The following EPHA6 variants were observed in gnomAD, a reference collection of about 807,000 sequenced individuals.
EPHA6 encodes ephrin type-A receptor 6.
EPHA6 carries 50 observed loss-of-function variants against 112.0 expected under a neutral mutation model. That is an observed-to-expected ratio of 0.45 (90% CI 0.36 to 0.56). EPHA6 has a LOEUF of 0.56. EPHA6 is among the 20% of genes least tolerant of loss of function. The pLI is 0.00. For missense variants in EPHA6, 1,280 were observed against 1,417.4 expected (o/e 0.90, Z 1.56); for synonymous variants, 529 against 490.7 (o/e 1.08, Z -1.03).
intron 14 of EPHA6, among the ~76,000 whole-genome samples, chr3:97,689,561 C>T (rs748003454): frequency 6.6e-6 from 1 of 152,160 alleles, no homozygotes; most frequent in Non-Finnish European, 1.5e-5. Flanking sequence ...GGCTGAGTGG[C>T]CAGGAACCCA....
intron 2 of EPHA6, among the ~76,000 whole-genome samples, chr3:96,904,542 G>A (rs1420716030): frequency 6.0e-5 from 9 of 151,136 alleles, no homozygotes; most frequent in Non-Finnish European, 1.2e-4. Context: ...CACCAACATG[G>A]CACATGTATA....
At chr3:97,583,474 G>A (rs913967537) in intron 11 of EPHA6, among the ~76,000 whole-genome samples, 1 of 151,862 alleles carries the variant, frequency 6.6e-6, no homozygotes, top group Admixed American at 6.6e-5. Flanking sequence ...GGGAGGCAGA[G>A]CTTGCAGTGA....
Position 97,149,475 on chromosome 3 carries a change from G to T in EPHA6, c.1115-76789G>T, listed in dbSNP as rs557990142. 6.6e-5 allele frequency among the ~76,000 whole-genome samples: 10 copies of T among 152,058 alleles called. No homozygotes were observed. In the South Asian group the frequency reaches 2.1e-3, roughly 32 times the overall value. Reference sequence around the variant, plus strand: ...GTCTCCACTGTATAATATATATAAAGAATATATTCCTTAAAGTAATGATGA... The same window carrying T: ...GTCTCCACTGTATAATATATATAAATAATATATTCCTTAAAGTAATGATGA... On this transcript the variant is annotated intron_variant, in intron 3 of 17. Transcript: ENST00000389672.
chr3:97,473,221 T>C (rs1300653344), intron 7 of EPHA6, among the ~76,000 whole-genome samples: 1 of 151,820 alleles, frequency 6.6e-6, no homozygotes, highest in African/African-American at 2.4e-5. Context: ...TAAGAGTATT[T>C]AACACATTTT....
intron 2 of EPHA6, among the ~76,000 whole-genome samples, chr3:96,919,800 T>A (rs2039670560): frequency 6.6e-6 from 1 of 151,892 alleles, no homozygotes; most frequent in Non-Finnish European, 1.5e-5. Context: ...TCTTTATTTT[T>A]CATTCTGTTA....
intron 14 of EPHA6, among the ~76,000 whole-genome samples, chr3:97,683,694 G>A (rs1011660546): frequency 6.6e-5 from 10 of 151,934 alleles, no homozygotes; most frequent in Non-Finnish European, 1.5e-4. Context: ...TGATAAATTC[G>A]GCTGCTCACC....
intron 3 of EPHA6, among the ~76,000 whole-genome samples, chr3:97,220,625 G>T (rs2108532196): frequency 6.6e-6 from 1 of 152,252 alleles, no homozygotes; most frequent in Admixed American, 6.5e-5. Flanking sequence ...ATCTGATCTT[G>T]TGAGAACTCA....
At chr3:96,884,536 G>A (rs2037510146) in intron 2 of EPHA6, among the ~76,000 whole-genome samples, 1 of 152,128 alleles carries the variant, frequency 6.6e-6, no homozygotes, top group Non-Finnish European at 1.5e-5. Context: ...GTCGCTGTTG[G>A]TATATGGAAG....
At chr3:97,523,604 A>G (rs895983385) in intron 10 of EPHA6, among the ~76,000 whole-genome samples, 1 of 152,020 alleles carries the variant, frequency 6.6e-6, no homozygotes, top group Non-Finnish European at 1.5e-5. Flanking sequence ...TGAACTATCC[A>G]TCGTTGAAAG....
intron 3 of EPHA6, among the ~76,000 whole-genome samples, chr3:97,133,776 A>C (rs902148612): frequency 1.3e-5 from 2 of 152,018 alleles, no homozygotes; most frequent in Non-Finnish European, 2.9e-5. Flanking sequence ...TGAGAATATC[A>C]TATGAATCCC....
intron 15 of EPHA6, among the ~76,000 whole-genome samples, chr3:97,730,838 A>C (rs2035001464): frequency 6.6e-6 from 1 of 152,150 alleles, no homozygotes; most frequent in African/African-American, 2.4e-5. Flanking sequence ...CGTGGAACAA[A>C]GAAACAGTCG....
At chr3:97,373,515 G>C (rs1366783512) in intron 5 of EPHA6, among the ~76,000 whole-genome samples, 1 of 152,090 alleles carries the variant, frequency 6.6e-6, no homozygotes, top group African/African-American at 2.4e-5. Context: ...GATAAGGTAA[G>C]ATTAGAATAT....
intron 10 of EPHA6, among the ~76,000 whole-genome samples, chr3:97,507,739 A>G (rs1577611180): frequency 6.6e-6 from 1 of 151,874 alleles, no homozygotes; most frequent in Middle Eastern, 3.5e-3. Flanking sequence ...AAGGAATGGT[A>G]CCAGCTCCTC....
chr3:97,195,201 A>T (rs1301749770), intron 3 of EPHA6, among the ~76,000 whole-genome samples: 1 of 151,596 alleles, frequency 6.6e-6, no homozygotes, highest in Non-Finnish European at 1.5e-5. Flanking sequence ...TCTCTGGTGG[A>T]ATATATTCTT....
chr3:97,334,457 TTTTC>T (rs932830323), intron 5 of EPHA6, among the ~76,000 whole-genome samples: 6 of 150,742 alleles, frequency 4.0e-5, no homozygotes, highest in South Asian at 2.1e-4. Flanking sequence ...TTCTTTTTTC[TTTTC>T]TTTCTTTTTT....
intron 2 of EPHA6, among the ~76,000 whole-genome samples, chr3:96,881,223 A>G (rs1443112714): frequency 6.6e-6 from 1 of 152,118 alleles, no homozygotes; most frequent in Admixed American, 6.6e-5. Context: ...ATGTATGTAG[A>G]AATTGATAAA....
At chr3:97,366,036 A>G (rs2084707157) in intron 5 of EPHA6, among the ~76,000 whole-genome samples, 1 of 152,226 alleles carries the variant, frequency 6.6e-6, no homozygotes, top group Admixed American at 6.5e-5. Context: ...CACAACAGTT[A>G]GGGAAATATA....
At chr3:97,542,599 G>A (rs1480334229) in intron 11 of EPHA6, among the ~76,000 whole-genome samples, 2 of 152,086 alleles carry the variant, frequency 1.3e-5, no homozygotes, top group African/African-American at 4.8e-5. Flanking sequence ...TAATCCTTTG[G>A]GTATATACCC....
At chr3:97,234,055 T>A (rs1290198429) in intron 4 of EPHA6, among the ~76,000 whole-genome samples, 3 of 152,166 alleles carry the variant, frequency 2.0e-5, no homozygotes, top group Non-Finnish European at 4.4e-5. Context: ...TTTTACAGAT[T>A]TCTTTGGGTT....
Sources: gnomAD v4.1 joint callset for allele counts (sites outside exome capture counted in the v4.1 genomes callset) on GRCh38, gnomAD v4.1.1 for gene constraint, MANE v1.5 for transcripts, NCBI Gene and HGNC (gene_info 2026-07-23, HGNC 2026-07-21) for gene names.